Variants in C7 observed in about 807,000 individuals in gnomAD.
The protein encoded by C7 is complement C7.
In C7, 83 loss-of-function variants were observed where a neutral mutation model predicts 104.8. The ratio of observed to expected loss-of-function variants is 0.79; its 90% confidence interval spans 0.66 to 0.95. The LOEUF (loss-of-function observed/expected upper bound fraction) is 0.95. C7 is among the 40% of genes least tolerant of loss of function. C7 has a pLI of 0.00. For missense variants in C7, 1,070 were observed against 1,011.2 expected (o/e 1.06, Z -0.79); for synonymous variants, 415 against 360.6 (o/e 1.15, Z -1.71).
chr5:40,949,931 G>A lies in C7; in HGVS notation c.1010G>A (p.Cys337Tyr). Residue 337 changes from cysteine to tyrosine, a missense_variant, in exon 9 of 18, where the codon TGT (cysteine) becomes TAT (tyrosine). Cys to Tyr is a radical substitution (Grantham distance 194). Transcript: ENST00000313164. ...NDFNSVEEKK[C>Y]KSSGWHFVVK... Reference sequence around the variant, plus strand: ...TTTAATTCAGTCGAAGAAAAGAAATGTAAATCCTCAGGTTGGCATTTTGTC... The same window carrying A: ...TTTAATTCAGTCGAAGAAAAGAAATATAAATCCTCAGGTTGGCATTTTGTC... 7 of 1,596,272 alleles carry A rather than the reference G, an allele frequency of 4.4e-6. No individual in the cohort carries two copies. Among genetic ancestry groups the A allele is most frequent in the Non-Finnish European group, 6.0e-6 (7 of 1,169,928 alleles).
rs1740946147 is a variant in C7 at position 40,981,576 on chromosome 5, T to C, written c.*3T>C. 3.7e-6 allele frequency: 6 copies of C among 1,600,748 alleles called. No individual in the cohort carries two copies. The highest frequency in any genetic ancestry group is 5.1e-6 in the Non-Finnish European group (6 of 1,170,404). On this transcript the variant is annotated 3_prime_UTR_variant, in exon 18 of 18. Coordinates refer to ENST00000313164, the MANE Select transcript of C7 (RefSeq NM_000587.4). ...CTTGTGCTGCGGAAACCCAGTAGGC[T>C]CCTGGAGGCCCTGGTCAGCTTGCTT...
chr5:40,921,909 G>A (rs754689825), intron 1 of C7, among the ~76,000 whole-genome samples: 14 of 151,680 alleles, frequency 9.2e-5, no homozygotes, highest in Middle Eastern at 6.8e-3. Flanking sequence ...GTGGTGGTGC[G>A]CAACTGTAAT....
chr5:40,983,414 T>G lies in C7; in HGVS notation c.*1841T>G, dbSNP rs753412514. On this transcript the variant is annotated 3_prime_UTR_variant, in exon 18 of 18. Transcript: ENST00000313164. ...ATCACATATCATCAGAGATTGAGGT[T>G]TGAAAGAAAGGAAATGAGTAGATGT... 6.6e-6 allele frequency among the ~76,000 whole-genome samples: 1 copy of G among 152,116 alleles called. No individual in the cohort carries two copies. Among genetic ancestry groups the G allele is most frequent in the Non-Finnish European group, 1.5e-5 (1 of 68,036 alleles).
rs570388935 is a variant in C7 at position 40,962,798 on chromosome 5, T to C, written c.1749+626T>C. On this transcript the variant is annotated intron_variant, in intron 13 of 17. Transcript: ENST00000313164. ...CTGAAGCCCCAGTGGTGCCTCTTCATGGCTCACACAGGATATTGTTCATGA... is the reference window on the plus strand; with the variant it reads ...CTGAAGCCCCAGTGGTGCCTCTTCACGGCTCACACAGGATATTGTTCATGA... Among the ~76,000 whole-genome samples the C allele has an allele frequency of 5.9e-5, 9 of 152,344 alleles. No individual in the cohort carries two copies. The East Asian group carries it at 1.7e-3, about 29-fold the overall frequency.
intron 14 of C7, among the ~76,000 whole-genome samples, chr5:40,965,213 T>A (rs1740517373): frequency 6.6e-6 from 1 of 152,214 alleles, no homozygotes; most frequent in Admixed American, 6.5e-5. Flanking sequence ...TTAAATGCTT[T>A]GCCTCCTGTT....
intron 1 of C7, among the ~76,000 whole-genome samples, chr5:40,912,418 G>A (rs1372358770): frequency 6.6e-6 from 1 of 152,076 alleles, no homozygotes; most frequent in Non-Finnish European, 1.5e-5. Flanking sequence ...TTGCTCTGTT[G>A]CCCTGGCTGG....
chr5:40,914,828 G>C (rs1212359503), intron 1 of C7, among the ~76,000 whole-genome samples: 1 of 152,122 alleles, frequency 6.6e-6, no homozygotes. Flanking sequence ...AAAATGTAAA[G>C]GTACAGACCT....
chr5:40,935,694 G>A (rs767611469), intron 4 of C7, among the ~76,000 whole-genome samples: 42 of 152,120 alleles, frequency 2.8e-4, no homozygotes, highest in Admixed American at 5.9e-4. Flanking sequence ...GAGAATGGCT[G>A]GGGATGATGC....
At chr5:40,924,493 T>G (rs1323840428) in intron 1 of C7, among the ~76,000 whole-genome samples, 2 of 152,224 alleles carry the variant, frequency 1.3e-5, no homozygotes, top group African/African-American at 2.4e-5. Flanking sequence ...TGGAGGACAG[T>G]GATCCCCTTT....
intron 14 of C7, among the ~76,000 whole-genome samples, chr5:40,971,073 TG>T: frequency 6.6e-6 from 1 of 152,244 alleles, no homozygotes; most frequent in South Asian, 2.1e-4. Flanking sequence ...TACAGTAGAA[TG>T]ATTTATAACC....
rs1388624671 is a variant in C7 at position 40,962,137 on chromosome 5, C to A, written c.1714C>A (p.Pro572Thr). Residue 572 changes from proline to threonine, a missense_variant, in exon 13 of 18, where the codon CCA becomes ACA. By Grantham distance (38) the Pro-to-Thr change is conservative. Coordinates refer to ENST00000313164, the MANE Select transcript of C7 (RefSeq NM_000587.4). ...GTCTTTGGTTCCAACAGAATTCTGT[C>A]CATCACCTCCTGCCTTGAAAGATGG... ...PLSLVPTEFC[P>T]SPPALKDGFV... 2.5e-6 allele frequency: 4 copies of A among 1,571,056 alleles called. No individual in the cohort carries two copies. Among genetic ancestry groups the A allele is most frequent in the Non-Finnish European group, 3.5e-6 (4 of 1,154,402 alleles).
At position 40,982,850 on chromosome 5, in the gene C7, A is replaced by G. The variant is rs1740980097; in HGVS notation, c.*1277A>G. On this transcript the variant is annotated 3_prime_UTR_variant, in exon 18 of 18. Coordinates refer to ENST00000313164, the MANE Select transcript of C7 (RefSeq NM_000587.4). ...AAATAAGCTATATTATACAAATACT[A>G]TCTCTGTATTGTTCTGACCCTGGTA... 1 of 152,352 alleles carries G rather than the reference A, an allele frequency of 6.6e-6. No individual in the cohort carries two copies. The allele number at this position is 152,352 out of a possible 1,614,324, so 9.4% of individuals were successfully genotyped here.
chr5:40,950,955 G>C (rs1191594265), intron 9 of C7, among the ~76,000 whole-genome samples: 1 of 152,158 alleles, frequency 6.6e-6, no homozygotes, highest in African/African-American at 2.4e-5. Context: ...ATTTCATTCT[G>C]ATGGCTATTG....
chr5:40,964,275 T>G (rs1325481842), intron 13 of C7, among the ~76,000 whole-genome samples: 3 of 152,060 alleles, frequency 2.0e-5, no homozygotes, highest in East Asian at 1.9e-4. Flanking sequence ...ACTCCTGATC[T>G]CAGGTGATCC....
chr5:40,921,656 A>G (rs1739440913), intron 1 of C7, among the ~76,000 whole-genome samples: 2 of 152,146 alleles, frequency 1.3e-5, no homozygotes, highest in African/African-American at 4.8e-5. Flanking sequence ...TGTCCTAAAA[A>G]CAGACACATA....
At chr5:40,918,527 G>C (rs12657195) in intron 1 of C7, among the ~76,000 whole-genome samples, 34,481 of 151,948 alleles carry the variant, frequency 0.23, 4,105 homozygotes, top group East Asian at 0.31. Flanking sequence ...AAAAACAAGA[G>C]CCAACTATAC....
At position 40,931,073 on chromosome 5, in the gene C7, T is replaced by C; in HGVS notation, c.72T>C (p.Ser24=). 2 of 1,611,258 alleles carry C rather than the reference T, an allele frequency of 1.2e-6. No homozygotes were observed. Among genetic ancestry groups the C allele is most frequent in the South Asian group, 2.2e-5 (2 of 90,964 alleles). The change falls in exon 3 of 18, where the codon TCT becomes TCC. Residue 24 remains serine (S), a synonymous_variant. Transcript: ENST00000313164. ...GEFQSFSSAS[S]PVNCQWDFYA... is the part of the protein sequence containing the mutation. ...TTTGACACTGTGGCAGTGCCTCCTC[T>C]CCAGTCAACTGCCAGTGGGACTTCT... is the stretch of plus-strand genomic sequence containing the variant.
At position 40,983,235 on chromosome 5, in the gene C7, A is replaced by G. The variant is rs759405912; in HGVS notation, c.*1662A>G. Among the ~76,000 whole-genome samples, 3 of 152,212 alleles carry G rather than the reference A, an allele frequency of 2.0e-5. No homozygotes were observed. Among genetic ancestry groups the G allele is most frequent in the Non-Finnish European group, 4.4e-5 (3 of 68,042 alleles). ...TAGGCCTGGATGCAGACCCTGAGAC[A>G]AAAGGTTGAACAAGTAATTCATTTG... On this transcript the variant is annotated 3_prime_UTR_variant, in exon 18 of 18. Transcript: ENST00000313164.
intron 15 of C7, among the ~76,000 whole-genome samples, chr5:40,974,604 G>A (rs1740774869): frequency 6.6e-6 from 1 of 151,974 alleles, no homozygotes; most frequent in African/African-American, 2.4e-5. Context: ...ATTTTTAGCA[G>A]AGACGGGGTT....
Sources: allele counts gnomAD v4.1 joint callset (sites outside exome capture counted in the v4.1 genomes callset), GRCh38; gene constraint gnomAD v4.1.1; transcripts MANE v1.5; gene names NCBI Gene and HGNC (gene_info 2026-07-23, HGNC 2026-07-21).